Variants in GABRG3 observed in about 807,000 individuals in gnomAD.
GABRG3 encodes the protein gamma-aminobutyric acid type A receptor subunit gamma3, also known as gamma-aminobutyric acid receptor subunit gamma-3.
A neutral mutation model predicts 48.8 loss-of-function variants in GABRG3; 25 were observed. The observed-to-expected ratio is 0.51, with a 90% CI of 0.37 to 0.72. GABRG3 has a LOEUF of 0.72. Ranked by LOEUF, GABRG3 falls within the 30% of genes least tolerant of loss-of-function variation. GABRG3 has a pLI of 0.00. For missense variants in GABRG3, 394 were observed against 577.9 expected, an observed-to-expected ratio of 0.68 and a Z score of 3.26; for synonymous variants, 227 against 217.6, an observed-to-expected ratio of 1.04 and a Z score of -0.38.
At chr15:27,007,627 T>C (rs1035602615) in intron 2 of GABRG3, among the ~76,000 whole-genome samples, 2 of 152,214 alleles carry the variant, frequency 1.3e-5, no homozygotes, top group African/African-American at 4.8e-5. Context: ...TGTGAGATGG[T>C]ATCTCATTGT....
At chr15:26,998,737 C>T (rs114179095) in intron 2 of GABRG3, among the ~76,000 whole-genome samples, 1,764 of 152,218 alleles carry the variant, frequency 0.012, 38 homozygotes, top group African/African-American at 0.041. Flanking sequence ...AAATGGGAGG[C>T]TTTGCTGTGT....
chr15:27,082,924 C>T lies in GABRG3; in HGVS notation c.270+56103C>T, dbSNP rs190482318. On this transcript the variant is annotated intron_variant, in intron 3 of 9. Coordinates refer to ENST00000615808, the MANE Select transcript of GABRG3 (RefSeq NM_033223.5). ...GCAAGAGGTGAGCCTCCCCGAACTCCCTGCATCTTGGCTTCTACTACAGAA... is the reference window on the plus strand; with the variant it reads ...GCAAGAGGTGAGCCTCCCCGAACTCTCTGCATCTTGGCTTCTACTACAGAA... Among the ~76,000 whole-genome samples, 3 of 152,292 alleles carry T rather than the reference C, an allele frequency of 2.0e-5. No homozygotes were observed. The East Asian group carries it at 5.8e-4, about 29-fold the overall frequency.
intron 6 of GABRG3, among the ~76,000 whole-genome samples, chr15:27,504,703 C>A (rs114579263): frequency 4.0e-5 from 6 of 150,894 alleles, no homozygotes; most frequent in African/African-American, 1.2e-4. Flanking sequence ...CTTTTTTTTT[C>A]TTCCCCCACC....
intron 5 of GABRG3, among the ~76,000 whole-genome samples, chr15:27,419,614 C>T (rs1042698741): frequency 1.1e-4 from 16 of 152,088 alleles, no homozygotes; most frequent in Non-Finnish European, 7.4e-5. Flanking sequence ...ATAACTCCTC[C>T]GTAGCCAAAT....
At chr15:27,107,585 A>G (rs1897473467) in intron 3 of GABRG3, among the ~76,000 whole-genome samples, 1 of 151,850 alleles carries the variant, frequency 6.6e-6, no homozygotes, top group Non-Finnish European at 1.5e-5. Context: ...CTCTAATTCA[A>G]TTTTCTGCAA....
At chr15:27,215,518 C>A (rs1889219141) in intron 3 of GABRG3, among the ~76,000 whole-genome samples, 1 of 152,184 alleles carries the variant, frequency 6.6e-6, no homozygotes, top group South Asian at 2.1e-4. Context: ...CTATGTCTAA[C>A]CTTAATAGAT....
chr15:27,156,269 A>G (rs1898420503), intron 3 of GABRG3, among the ~76,000 whole-genome samples: 1 of 141,230 alleles, frequency 7.1e-6, no homozygotes, highest in African/African-American at 2.7e-5. Context: ...ACTGCACTCC[A>G]GCCTGAGTGA....
chr15:27,499,377 C>T (rs1044296701), intron 6 of GABRG3, among the ~76,000 whole-genome samples: 9 of 152,236 alleles, frequency 5.9e-5, no homozygotes, highest in Admixed American at 2.0e-4. Context: ...ATTATTGAAA[C>T]AATAGCGCCA....
chr15:27,163,275 G>T (rs917181094), intron 3 of GABRG3, among the ~76,000 whole-genome samples: 1 of 152,144 alleles, frequency 6.6e-6, no homozygotes, highest in Non-Finnish European at 1.5e-5. Context: ...CAAGGAGGGA[G>T]GATTTCTTGA....
intron 3 of GABRG3, among the ~76,000 whole-genome samples, chr15:27,306,801 A>AT (rs1892521020): frequency 1.0e-5 from 1 of 99,346 alleles, no homozygotes; most frequent in African/African-American, 4.4e-5. Context: ...ATAAACATAC[A>AT]ATATAAACAT....
intron 5 of GABRG3, among the ~76,000 whole-genome samples, chr15:27,440,643 A>G (rs1481876932): frequency 1.3e-5 from 2 of 152,228 alleles, no homozygotes; most frequent in Non-Finnish European, 1.5e-5. Flanking sequence ...AATATTCATT[A>G]TCACCTAATC....
intron 5 of GABRG3, among the ~76,000 whole-genome samples, chr15:27,354,672 A>G (rs1445765827): frequency 6.6e-6 from 1 of 152,238 alleles, no homozygotes; most frequent in Non-Finnish European, 1.5e-5. Context: ...TGCCACAACC[A>G]GAGAGACTAC....
chr15:27,469,948 G>A (rs1186203119), intron 5 of GABRG3, among the ~76,000 whole-genome samples: 3 of 152,162 alleles, frequency 2.0e-5, no homozygotes, highest in Admixed American at 6.5e-5. Flanking sequence ...TCTTCAGTGG[G>A]TAACAGCCTT....
intron 5 of GABRG3, among the ~76,000 whole-genome samples, chr15:27,469,999 G>A (rs142920578): frequency 1.3e-5 from 2 of 152,200 alleles, no homozygotes; most frequent in East Asian, 3.9e-4. Context: ...CTGTGAAGTG[G>A]CATATTCTAA....
At chr15:27,109,512 C>T (rs1897507682) in intron 3 of GABRG3, among the ~76,000 whole-genome samples, 1 of 152,196 alleles carries the variant, frequency 6.6e-6, no homozygotes, top group African/African-American at 2.4e-5. Flanking sequence ...AAATCCCTGG[C>T]AACCAATGAT....
At chr15:27,256,338 G>T (rs1890615382) in intron 3 of GABRG3, among the ~76,000 whole-genome samples, 1 of 152,044 alleles carries the variant, frequency 6.6e-6, no homozygotes, top group African/African-American at 2.4e-5. Context: ...CTACTTGGGA[G>T]GCTGAGGCAG....
chr15:26,995,142 CATAA>C (rs1293844151), intron 2 of GABRG3, among the ~76,000 whole-genome samples: 1 of 151,946 alleles, frequency 6.6e-6, no homozygotes, highest in African/African-American at 2.4e-5. Context: ...TTGTTAGGTA[CATAA>C]ATATTTACAT....
chr15:27,173,946 C>T (rs1424477837), intron 3 of GABRG3, among the ~76,000 whole-genome samples: 1 of 152,096 alleles, frequency 6.6e-6, no homozygotes, highest in African/African-American at 2.4e-5. Context: ...TATAATAAAA[C>T]TCTGTTTACC....
intron 5 of GABRG3, among the ~76,000 whole-genome samples, chr15:27,452,786 A>T (rs879420349): frequency 1.1e-4 from 17 of 152,344 alleles, no homozygotes; most frequent in East Asian, 1.9e-4. Context: ...GTTGTGCAAG[A>T]GTCCACTTTA....
Sources: gnomAD v4.1 joint callset for allele counts (sites outside exome capture counted in the v4.1 genomes callset) on GRCh38, gnomAD v4.1.1 for gene constraint, MANE v1.5 for transcripts, NCBI Gene and HGNC (gene_info 2026-07-23, HGNC 2026-07-21) for gene names.